Variants in RNF169 observed in about 807,000 individuals in gnomAD.
RNF169 encodes E3 ubiquitin-protein ligase RNF169.
RNF169 carries 24 observed loss-of-function variants against 53.9 expected under a neutral mutation model. That is an observed-to-expected ratio of 0.45 (90% CI 0.32 to 0.63). The LOEUF is 0.63. Among genes scored for constraint, RNF169 ranks in the 20% least tolerant of loss-of-function variants. RNF169 has a pLI of 0.04. For synonymous variants in RNF169, 396 were observed against 363.5 expected, an observed-to-expected ratio of 1.09 and a Z score of -1.02; for missense variants, 883 against 906.2, an observed-to-expected ratio of 0.97 and a Z score of 0.33.
intron 4 of RNF169, 25 bp downstream of exon 4, chr11:74,817,739 TC>T: frequency 6.9e-7 from 1 of 1,449,904 alleles, no homozygotes; most frequent in Non-Finnish European, 9.7e-7. Context: ...CTGAATTCAG[TC>T]AGGGGTCTTT....
intron 1 of RNF169, among the ~76,000 whole-genome samples, chr11:74,784,638 G>A (rs11236247): frequency 0.041 from 6,279 of 152,306 alleles, 136 homozygotes; most frequent in African/African-American, 0.058. Context: ...TATATTAGCT[G>A]ATCACATAGG....
intron 1 of RNF169, among the ~76,000 whole-genome samples, chr11:74,782,797 ACAG>A (rs2035435003): frequency 6.6e-6 from 1 of 152,116 alleles, no homozygotes; most frequent in East Asian, 1.9e-4. Context: ...AATTTGGCAA[ACAG>A]CAGTTTACAA....
intron 1 of RNF169, among the ~76,000 whole-genome samples, chr11:74,776,444 A>C (rs1266076464): frequency 6.6e-6 from 1 of 151,802 alleles, no homozygotes; most frequent in Non-Finnish European, 1.5e-5. Flanking sequence ...CTACCTTCAG[A>C]AAACGAATTC....
chr11:74,817,622 G>A lies in RNF169; in HGVS notation c.750G>A (p.Glu250=). ...GTCCTGCACGTCTCTCAGATTCAGAGAATGAAGAACCTTCTCGAGGCCAGA... is the reference window on the plus strand; with the variant it reads ...GTCCTGCACGTCTCTCAGATTCAGAAAATGAAGAACCTTCTCGAGGCCAGA... The part of the protein sequence containing the change: ...ERCPARLSDS[E]NEEPSRGQMT... The change falls in exon 4 of 6, where the codon GAG becomes GAA. Residue 250 remains glutamate (E), a synonymous_variant. Transcript: ENST00000299563. 1 of 1,613,844 alleles carries A rather than the reference G, an allele frequency of 6.2e-7. No individual in the cohort carries two copies. The highest frequency in any genetic ancestry group is 8.5e-7 in the Non-Finnish European group (1 of 1,179,736).
At chr11:74,798,414 A>G (rs1591412600) in intron 2 of RNF169, among the ~76,000 whole-genome samples, 1 of 152,228 alleles carries the variant, frequency 6.6e-6, no homozygotes, top group South Asian at 2.1e-4. Flanking sequence ...AGTCTCCCAT[A>G]GCGCTCCCAG....
At chr11:74,781,227 C>G (rs192908352) in intron 1 of RNF169, among the ~76,000 whole-genome samples, 1 of 152,190 alleles carries the variant, frequency 6.6e-6, no homozygotes, top group African/African-American at 2.4e-5. Context: ...ATACTGCAGC[C>G]GTCTTTGAGT....
intron 4 of RNF169, among the ~76,000 whole-genome samples, chr11:74,820,737 A>G (rs2035998910): frequency 6.6e-6 from 1 of 152,164 alleles, no homozygotes; most frequent in Non-Finnish European, 1.5e-5. Flanking sequence ...GCTTAAGGAG[A>G]AGCAATGTGG....
intron 1 of RNF169, among the ~76,000 whole-genome samples, chr11:74,780,302 C>T (rs1051257877): frequency 6.6e-6 from 1 of 152,154 alleles, no homozygotes; most frequent in Non-Finnish European, 1.5e-5. Flanking sequence ...GCTGTTCATT[C>T]CCTCTTTACT....
At chr11:74,817,506 G>A (rs1474310894) in intron 3 of RNF169, 90 bp from the exon 4 acceptor site, 5 of 775,500 alleles carry the variant, frequency 6.4e-6, no homozygotes, top group Non-Finnish European at 1.1e-5. Context: ...ACAGAGAAGC[G>A]ACATAGAGAA....
intron 1 of RNF169, among the ~76,000 whole-genome samples, chr11:74,777,631 T>G (rs901719288): frequency 6.7e-6 from 1 of 149,826 alleles, no homozygotes; most frequent in African/African-American, 2.5e-5. Context: ...TTGCAAATCC[T>G]GTTGGTCTCG....
intron 1 of RNF169, among the ~76,000 whole-genome samples, chr11:74,755,345 AT>A (rs2034965372): frequency 6.6e-6 from 1 of 152,146 alleles, no homozygotes; most frequent in Admixed American, 6.5e-5. Context: ...GTTTATTCAT[AT>A]TTTCACTCCC....
In RNF169 at chr11:74,836,117, C is replaced by T. The variant is rs1820674272; in HGVS notation, c.1514C>T (p.Pro505Leu). 6.2e-7 allele frequency: 1 copy of T among 1,614,118 alleles called. No homozygotes were observed. Among genetic ancestry groups the T allele is most frequent in the African/African-American group, 1.3e-5 (1 of 75,020 alleles). ...ACCTCTGCTGATCTTGATCATTTCC[C>T]CTCTGTTAGCCAAACAAAAGCAGAA... ...GPTSADLDHF[P>L]SVSQTKAEQD... is the part of the protein sequence containing the mutation. Residue 505 changes from proline to leucine, a missense_variant, in exon 6 of 6, where the codon CCC (proline) becomes CTC (leucine). Coordinates refer to ENST00000299563, the MANE Select transcript of RNF169 (RefSeq NM_001098638.2).
chr11:74,765,015 C>G (rs1192447589), intron 1 of RNF169, among the ~76,000 whole-genome samples: 7 of 152,060 alleles, frequency 4.6e-5, no homozygotes, highest in African/African-American at 1.7e-4. Flanking sequence ...AGTTCGAGAT[C>G]AGCCTGGGCA....
intron 1 of RNF169, among the ~76,000 whole-genome samples, chr11:74,757,809 T>C (rs2035010315): frequency 1.6e-5 from 1 of 62,876 alleles, no homozygotes; most frequent in Non-Finnish European, 2.7e-5. Flanking sequence ...TTGAGAAGTG[T>C]CTGTTCATAT....
Position 74,822,331 on chromosome 11 carries a change from ATAC to A in RNF169, c.842+4619_842+4621del. On this transcript the variant is annotated intron_variant, in intron 4 of 5. Transcript: ENST00000299563. ...CTTCTAGCTTTCCAGCTGCATGTTT[ATAC>A]TGGCTAACCCTGCTTTCCTTTGTTT... Among the ~76,000 whole-genome samples the A allele has an allele frequency of 2.0e-5, 3 of 152,282 alleles. No individual in the cohort carries two copies. In the East Asian group the frequency reaches 5.8e-4, roughly 29 times the overall value.
At chr11:74,772,647 C>T (rs1370357971) in intron 1 of RNF169, among the ~76,000 whole-genome samples, 2 of 152,180 alleles carry the variant, frequency 1.3e-5, no homozygotes, top group African/African-American at 4.8e-5. Context: ...TGAGCCTCAG[C>T]TTCCATATTT....
At chr11:74,818,047 T>G (rs2135127885) in intron 4 of RNF169, among the ~76,000 whole-genome samples, 1 of 152,332 alleles carries the variant, frequency 6.6e-6, no homozygotes, top group Middle Eastern at 3.4e-3. Flanking sequence ...TAGTAGGAAG[T>G]GAGGGCAGAA....
intron 2 of RNF169, among the ~76,000 whole-genome samples, chr11:74,803,376 G>A (rs1323193757): frequency 6.6e-6 from 1 of 152,048 alleles, no homozygotes; most frequent in Admixed American, 6.6e-5. Flanking sequence ...GAGCCACCGC[G>A]CCCAACCAAA....
Position 74,779,923 on chromosome 11 carries a change from C to CTCTA in RNF169, c.503-9702_503-9699dup, listed in dbSNP as rs555569572. On this transcript the variant is annotated intron_variant, in intron 1 of 5. Transcript: ENST00000299563. ...TGGCCTCAAACTTGCAGTCCTCCCA[C>CTCTA]TCTAGCCTTCTGAGTAGCTGGGACT... Among the ~76,000 whole-genome samples the CTCTA allele has an allele frequency of 8.9e-4, 136 of 152,274 alleles. 1 individual carries two copies. The highest frequency in any genetic ancestry group is 3.4e-3 in the Middle Eastern group (1 of 294).
Sources: gnomAD v4.1 joint callset for allele counts (sites outside exome capture counted in the v4.1 genomes callset) on GRCh38, gnomAD v4.1.1 for gene constraint, MANE v1.5 for transcripts, NCBI Gene and HGNC (gene_info 2026-07-23, HGNC 2026-07-21) for gene names.